CSGALNACT1: variants seen among roughly 807,000 people sequenced by gnomAD.
CSGALNACT1 encodes beta4GalNAcT-1.
CSGALNACT1 carries 52 observed loss-of-function variants against 51.0 expected under a neutral mutation model. That is an observed-to-expected ratio of 1.02 (90% CI 0.82 to 1.29). The LOEUF (loss-of-function observed/expected upper bound fraction) is 1.29. Ranked by LOEUF, CSGALNACT1 falls within the 50% of genes most tolerant of loss-of-function variation. CSGALNACT1 has a pLI of 0.00. For missense variants in CSGALNACT1, 935 were observed against 679.2 expected, an observed-to-expected ratio of 1.38 and a Z score of -4.19; for synonymous variants, 341 against 254.4, an observed-to-expected ratio of 1.34 and a Z score of -3.24.
chr8:19,657,826 C>A (rs2058416741), intron 1 of CSGALNACT1, among the ~76,000 whole-genome samples: 1 of 152,110 alleles, frequency 6.6e-6, no homozygotes, highest in Non-Finnish European at 1.5e-5. Flanking sequence ...AGGACCTCCA[C>A]TTTTCCACTG....
At chr8:19,672,069 T>G (rs1351265147) in intron 1 of CSGALNACT1, among the ~76,000 whole-genome samples, 1 of 152,206 alleles carries the variant, frequency 6.6e-6, no homozygotes. Flanking sequence ...CAAATAGTGT[T>G]AAGGCTCATG....
At chr8:19,708,425 C>T (rs2062308347) in intron 1 of CSGALNACT1, among the ~76,000 whole-genome samples, 2 of 152,126 alleles carry the variant, frequency 1.3e-5, no homozygotes, top group Admixed American at 1.3e-4. Flanking sequence ...CTGAAAGTCA[C>T]ATGGGTTCCA....
chr8:19,485,734 A>G (rs1263756383), intron 4 of CSGALNACT1, among the ~76,000 whole-genome samples: 2 of 141,288 alleles, frequency 1.4e-5, no homozygotes, highest in East Asian at 2.1e-4. Flanking sequence ...GGCACTAACT[A>G]AAGTCTCACT....
chr8:19,589,889 A>T (rs144700268), intron 3 of CSGALNACT1, among the ~76,000 whole-genome samples: 1 of 152,240 alleles, frequency 6.6e-6, no homozygotes, highest in Non-Finnish European at 1.5e-5. Context: ...AATATGTGAA[A>T]AAAACCAAAA....
chr8:19,560,772 C>T (rs746921174), intron 3 of CSGALNACT1, among the ~76,000 whole-genome samples: 4 of 152,198 alleles, frequency 2.6e-5, no homozygotes, highest in African/African-American at 9.7e-5. Context: ...TGCAGAGATG[C>T]GTATTCCAGG....
upstream of CSGALNACT1, among the ~76,000 whole-genome samples, chr8:19,686,662 C>T (rs1489921986): frequency 6.6e-6 from 1 of 152,226 alleles, no homozygotes; most frequent in Non-Finnish European, 1.5e-5. Context: ...AATTCCTCTG[C>T]AAACTGGAGC....
exon 2 of CSGALNACT1, chr8:19,601,831 T>C (rs1191639788): frequency 2.2e-6 from 1 of 454,050 alleles, no homozygotes; most frequent in Non-Finnish European, 4.4e-6. Context: ...TGGGTCAAAA[T>C]TACCTTGGCG....
intron 4 of CSGALNACT1, among the ~76,000 whole-genome samples, chr8:19,464,858 G>T (rs1037604406): frequency 2.6e-5 from 4 of 152,164 alleles, no homozygotes; most frequent in Non-Finnish European, 5.9e-5. Flanking sequence ...ACTTTCTCCA[G>T]TTGCAGAAAC....
intron 1 of CSGALNACT1, among the ~76,000 whole-genome samples, chr8:19,640,063 G>A (rs778413771): frequency 2.0e-5 from 3 of 151,582 alleles, no homozygotes; most frequent in African/African-American, 4.9e-5. Flanking sequence ...CTCAGTAAAC[G>A]ATCCCACCTG....
At chr8:19,522,983 G>A (rs2081019262) in intron 3 of CSGALNACT1, among the ~76,000 whole-genome samples, 1 of 152,192 alleles carries the variant, frequency 6.6e-6, no homozygotes, top group Non-Finnish European at 1.5e-5. Context: ...AGGCTGCCTA[G>A]GAGAGGCATA....
intron 4 of CSGALNACT1, among the ~76,000 whole-genome samples, chr8:19,501,246 CAAAAAAAAAAAA>C (rs35069773): frequency 1.2e-5 from 1 of 83,626 alleles, no homozygotes. Flanking sequence ...GACTCCGTCT[CAAAAAAAAAAAA>C]AAAAAAAAAA....
chr8:19,456,060 C>A (rs941749612), intron 5 of CSGALNACT1, among the ~76,000 whole-genome samples: 15 of 152,156 alleles, frequency 9.9e-5, no homozygotes, highest in African/African-American at 3.4e-4. Flanking sequence ...TTTTTGTGTT[C>A]TTTTAAAACA....
At chr8:19,631,560 T>C (rs1371749701) in intron 1 of CSGALNACT1, among the ~76,000 whole-genome samples, 1 of 152,218 alleles carries the variant, frequency 6.6e-6, no homozygotes, top group Non-Finnish European at 1.5e-5. Flanking sequence ...GAGAACAAAA[T>C]TCTTTAAAAC....
chr8:19,434,881 A>C (rs189236176), intron 6 of CSGALNACT1, among the ~76,000 whole-genome samples: 99 of 152,228 alleles, frequency 6.5e-4, no homozygotes, highest in African/African-American at 2.2e-3. Context: ...CAAATTTCTG[A>C]AAATGGACAA....
At chr8:19,739,606 G>A (rs1460349924) in intron 1 of CSGALNACT1, among the ~76,000 whole-genome samples, 1 of 152,166 alleles carries the variant, frequency 6.6e-6, no homozygotes, top group Non-Finnish European at 1.5e-5. Flanking sequence ...AAAATGTTAG[G>A]TGGGGCATCC....
chr8:19,606,930 T>C (rs1012565213), upstream of CSGALNACT1, among the ~76,000 whole-genome samples: 3 of 151,832 alleles, frequency 2.0e-5, no homozygotes, highest in Non-Finnish European at 4.4e-5. Flanking sequence ...CGGAGACGGG[T>C]GGATCACAAG....
chr8:19,674,168 CT>C (rs1282701496), intron 1 of CSGALNACT1, among the ~76,000 whole-genome samples: 1 of 152,198 alleles, frequency 6.6e-6, no homozygotes, highest in Non-Finnish European at 1.5e-5. Context: ...TGGCGGACAA[CT>C]GTAGTGACAG....
intron 4 of CSGALNACT1, among the ~76,000 whole-genome samples, chr8:19,472,181 G>A (rs1357326035): frequency 1.3e-5 from 2 of 152,196 alleles, no homozygotes; most frequent in African/African-American, 2.4e-5. Flanking sequence ...CAACATGCAA[G>A]GAGGGGAAGT....
intron 1 of CSGALNACT1, chr8:19,732,411 T>C (rs987210113): frequency 6.6e-6 from 1 of 152,214 alleles, no homozygotes; most frequent in Non-Finnish European, 1.5e-5. Context: ...GTCGCTGTGT[T>C]CAAGGACCAT....
Sources: allele counts gnomAD v4.1 joint callset (sites outside exome capture counted in the v4.1 genomes callset), GRCh38; gene constraint gnomAD v4.1.1; transcripts MANE v1.5; gene names NCBI Gene and HGNC (gene_info 2026-07-23, HGNC 2026-07-21).